Variants in WDR62 observed in about 807,000 individuals in gnomAD.
WDR62 encodes the protein WD repeat-containing protein 62.
WDR62 carries 112 observed loss-of-function variants against 160.6 expected under a neutral mutation model. That is an observed-to-expected ratio of 0.70 (90% CI 0.60 to 0.82). The LOEUF is 0.82. Ranked by LOEUF, WDR62 falls within the 40% of genes least tolerant of loss-of-function variation. The pLI, the probability that WDR62 is intolerant of heterozygous loss-of-function variation, is 0.00. For missense variants in WDR62, 1,819 were observed against 1,983.8 expected (o/e 0.92, Z 1.58); for synonymous variants, 792 against 815.1 (o/e 0.97, Z 0.48).
chr19:36,059,780 T>G (rs144119222), intron 2 of WDR62, among the ~76,000 whole-genome samples, 188 bp from the exon 3 acceptor site: 1 of 152,290 alleles, frequency 6.6e-6, no homozygotes, highest in Admixed American at 6.5e-5. Context: ...TTGGTTTCTA[T>G]TTAAGAACAT....
rs769624471 is a variant in WDR62 at position 36,055,139 on chromosome 19, G to A, written c.168G>A (p.Val56=). The A allele has an allele frequency of 3.7e-6, 6 of 1,608,054 alleles. No individual in the cohort carries two copies. The highest frequency in any genetic ancestry group is 5.1e-6 in the Non-Finnish European group (6 of 1,178,266). ...TRLSTASEET[V]QNRVSLEKVL... is the part of the protein sequence containing the mutation. Reference sequence around the variant, plus strand: ...TCTCGACGGCCTCCGAGGAGACGGTGCAGAACCGGGTGAGAAGCTGCTCGC... The same window carrying A: ...TCTCGACGGCCTCCGAGGAGACGGTACAGAACCGGGTGAGAAGCTGCTCGC... Residue 56 remains valine, a synonymous_variant, in exon 1 of 32, where the codon GTG becomes GTA. Coordinates refer to ENST00000401500, the MANE Select transcript of WDR62 (RefSeq NM_001083961.2).
At position 36,099,587 on chromosome 19, in the gene WDR62, G is replaced by A. The variant is rs1973200016; in HGVS notation, c.2709G>A (p.Glu903=). The A allele has an allele frequency of 6.2e-7, 1 of 1,614,224 alleles. No individual in the cohort carries two copies. Among genetic ancestry groups the A allele is most frequent in the Non-Finnish European group, 8.5e-7 (1 of 1,180,054 alleles). Residue 903 remains glutamate, a synonymous_variant, in exon 22 of 32, where the codon GAG becomes GAA. Coordinates refer to ENST00000401500, the MANE Select transcript of WDR62 (RefSeq NM_001083961.2). ...SLENSILDSL[E]PQSLASLLSE... is the part of the protein sequence containing the mutation. ...AGAACTCCATTCTGGATTCACTGGAGCCACAGAGCCTGGCCAGCCTGCTGA... is the reference window on the plus strand; with the variant it reads ...AGAACTCCATTCTGGATTCACTGGAACCACAGAGCCTGGCCAGCCTGCTGA...
rs1170829156 is a variant in WDR62, at chr19:36,102,802, C to T, written c.3286C>T (p.Arg1096Cys). The stretch of plus-strand genomic sequence containing the variant: ...AGCTGAAGACCACTTCTTCAACCCA[C>T]GCCTGAGTATCTCCACGCAGTTCCT... Reference protein sequence around the residue: ...SEAEDHFFNPRLSISTQFLSS... With the variant: ...SEAEDHFFNPCLSISTQFLSS... The change falls in exon 27 of 32, where the codon CGC (arginine) becomes TGC (cysteine). Residue 1096 changes from arginine to cysteine, a missense_variant. By Grantham distance (180) the Arg-to-Cys change is radical. Transcript: ENST00000401500. 1.1e-5 allele frequency: 18 copies of T among 1,614,100 alleles called. No homozygotes were observed. The highest frequency in any genetic ancestry group is 1.3e-5 in the African/African-American group (1 of 74,938).
chr19:36,072,302 C>T (rs927361656), intron 8 of WDR62, among the ~76,000 whole-genome samples: 8 of 152,110 alleles, frequency 5.3e-5, no homozygotes, highest in African/African-American at 1.2e-4. Context: ...GTTGAGGTGA[C>T]AGCACACTGG....
intron 4 of WDR62, 32 bp downstream of exon 4, chr19:36,066,047 G>C (rs764932382): frequency 1.2e-6 from 2 of 1,612,118 alleles, no homozygotes; most frequent in South Asian, 2.2e-5. Flanking sequence ...GTGGGAGTCG[G>C]GGGCTGGGGG....
At chr19:36,089,575 G>A (rs1972464665) in intron 15 of WDR62, among the ~76,000 whole-genome samples, 1 of 152,198 alleles carries the variant, frequency 6.6e-6, no homozygotes, top group Admixed American at 6.5e-5. Flanking sequence ...CCAAGTAGCT[G>A]GAATTACAGG....
At chr19:36,066,560 C>A in intron 5 of WDR62, 133 bp downstream of exon 5, 1 of 941,014 alleles carries the variant, frequency 1.1e-6, no homozygotes. Context: ...TATTGAGCAC[C>A]TGTGACATGC....
chr19:36,060,178 G>A, intron 3 of WDR62, 148 bp downstream of exon 3: 1 of 811,704 alleles, frequency 1.2e-6, no homozygotes, highest in Non-Finnish European at 2.1e-6. Context: ...GCTGGGTGCT[G>A]TTCCGTGTGC....
intron 5 of WDR62, among the ~76,000 whole-genome samples, chr19:36,066,822 A>G (rs534509777): frequency 6.6e-6 from 1 of 152,188 alleles, no homozygotes; most frequent in African/African-American, 2.4e-5. Context: ...GGCTCTGCCC[A>G]TAACCCACTA....
chr19:36,092,739 A>G lies in WDR62; in HGVS notation c.2261A>G (p.Gln754Arg), dbSNP rs1172387898. ...CCGGAGATCACCAACTGCATGAAGC[A>G]GCACTTGCTGGAGATTGACCACCGG... ...LGPEITNCMK[Q>R]HLLEIDHRQQ... The change falls in exon 19 of 32, where the codon CAG becomes CGG. Residue 754 changes from glutamine to arginine, a missense_variant. By Grantham distance (43) the Gln-to-Arg change is conservative. Transcript: ENST00000401500. The G allele has an allele frequency of 6.2e-7, 1 of 1,614,148 alleles. No homozygotes were observed. The highest frequency in any genetic ancestry group is 1.3e-5 in the African/African-American group (1 of 75,036).
At chr19:36,067,177 C>G in intron 5 of WDR62, 129 bp from the exon 6 acceptor site, 1 of 1,262,974 alleles carries the variant, frequency 7.9e-7, no homozygotes, top group Non-Finnish European at 1.1e-6. Flanking sequence ...CATACAGCAG[C>G]TCCCTGGAGG....
chr19:36,055,481 C>G (rs55849299), intron 1 of WDR62, among the ~76,000 whole-genome samples: 22,926 of 152,214 alleles, frequency 0.15, 2,171 homozygotes, highest in Non-Finnish European at 0.21. Context: ...GATCATAGCT[C>G]ACTGCAGCCT....
At chr19:36,055,279 C>T (rs984864462) in intron 1 of WDR62, 131 bp downstream of exon 1, 1 of 914,784 alleles carries the variant, frequency 1.1e-6, no homozygotes, top group Non-Finnish European at 1.7e-6. Flanking sequence ...CATGCCTCGT[C>T]CCCTAACCCC....
In WDR62 at chr19:36,099,627, T is replaced by G; in HGVS notation, c.2739+10T>G. The G allele has an allele frequency of 6.2e-7, 1 of 1,613,680 alleles. No individual in the cohort carries two copies. Among genetic ancestry groups the G allele is most frequent in the Non-Finnish European group, 8.5e-7 (1 of 1,179,860 alleles). Reference sequence around the variant, plus strand: ...CAGCCTGCTGAGTGAGGTACACACTTCCACCGCAGCCTGGCCCATAGCCCC... The same window carrying G: ...CAGCCTGCTGAGTGAGGTACACACTGCCACCGCAGCCTGGCCCATAGCCCC... On this transcript the variant is annotated intron_variant, in intron 22 of 31. Coordinates refer to ENST00000401500, the MANE Select transcript of WDR62 (RefSeq NM_001083961.2).
chr19:36,091,645 C>T (rs1435194367), intron 18 of WDR62, among the ~76,000 whole-genome samples, 180 bp downstream of exon 18: 1 of 152,210 alleles, frequency 6.6e-6, no homozygotes, highest in Non-Finnish European at 1.5e-5. Flanking sequence ...GCCTGTAACC[C>T]CAGCACTTTG....
At chr19:36,055,235 A>C (rs930244927) in intron 1 of WDR62, 87 bp downstream of exon 1, 1 of 1,462,604 alleles carries the variant, frequency 6.8e-7, no homozygotes, top group Admixed American at 2.0e-5. Flanking sequence ...CCCCGACATC[A>C]GCCCCCGGCC....
At chr19:36,077,386 T>C (rs769396591) in intron 9 of WDR62, among the ~76,000 whole-genome samples, 3 of 149,718 alleles carry the variant, frequency 2.0e-5, no homozygotes, top group Non-Finnish European at 4.4e-5. Context: ...GTTCACGCCA[T>C]TCTTCTTCCT....
rs142150175 is a variant in WDR62 at position 36,083,065 on chromosome 19, C to G, written c.1374C>G (p.Thr458=). 4.3e-6 allele frequency: 7 copies of G among 1,611,256 alleles called. No homozygotes were observed. Among genetic ancestry groups the G allele is most frequent in the Non-Finnish European group, 5.1e-6 (6 of 1,178,746 alleles). The part of the protein sequence containing the change: ...SHWQKNIFSN[T]LLKVVYVEND... The stretch of plus-strand genomic sequence containing the variant: ...CCTCAGCCCTGTCCTTCCTGCAGAC[C>G]CTGCTGAAGGTCGTGTACGTGGAGA... The change falls in exon 11 of 32, where the codon ACC becomes ACG. Residue 458 remains threonine, a splice_region_variant and synonymous_variant. Coordinates refer to ENST00000401500, the MANE Select transcript of WDR62 (RefSeq NM_001083961.2).
Position 36,102,746 on chromosome 19 carries a change from C to G in WDR62, c.3230C>G (p.Pro1077Arg), listed in dbSNP as rs1407651751. 1 of 1,614,004 alleles carries G rather than the reference C, an allele frequency of 6.2e-7. No individual in the cohort carries two copies. The highest frequency in any genetic ancestry group is 8.5e-7 in the Non-Finnish European group (1 of 1,179,952). ...LTESPCRELF[P>R]AALGDVEASE... The stretch of plus-strand genomic sequence containing the variant: ...CGGGATCTTCCCCTAGAGCTCTTCC[C>G]CGCAGCTCTGGGAGACGTGGAGGCC... Residue 1077 changes from proline (P) to arginine (R), a missense_variant, in exon 27 of 32, where the codon CCC becomes CGC. By Grantham distance (103) the Pro-to-Arg change is moderately radical (BLOSUM62 -2). Around this residue, in one of 3 missense-constraint regions of WDR62, gnomAD observed 770 missense variants for 734.2 expected, o/e 1.05. Transcript: ENST00000401500.
Sources: gnomAD v4.1 joint callset for allele counts (sites outside exome capture counted in the v4.1 genomes callset) on GRCh38, gnomAD v4.1.1 for gene constraint, gnomAD v4.1.1 regional missense constraint, MANE v1.5 for transcripts, NCBI Gene and HGNC (gene_info 2026-07-23, HGNC 2026-07-21) for gene names.